The following DST variants were observed in gnomAD, a reference collection of about 807,000 sequenced individuals.
DST encodes dystonin, also known as bullous pemphigoid antigen.
Under a neutral mutation model 875.2 loss-of-function variants are expected in DST, and 253 were observed. That is an observed-to-expected ratio of 0.29 (90% CI 0.26 to 0.32). The LOEUF (loss-of-function observed/expected upper bound fraction) is 0.32, where lower values mean the gene tolerates loss of function less well. Among genes scored for constraint, DST ranks in the 10% least tolerant of loss-of-function variants. DST has a pLI of 1.00. For synonymous variants in DST, 3,124 were observed against 3,197.1 expected, an observed-to-expected ratio of 0.98 and a Z score of 0.77; for missense variants, 8,287 against 9,111.6, an observed-to-expected ratio of 0.91 and a Z score of 3.68.
intron 49 of DST, among the ~76,000 whole-genome samples, chr6:56,586,667 G>A (rs2098158825): frequency 6.6e-6 from 1 of 152,076 alleles, no homozygotes; most frequent in Admixed American, 6.6e-5. Flanking sequence ...CCCCCAGTAG[G>A]GGCAGACTGA....
intron 67 of DST, 129 bp from the exon 68 acceptor site, chr6:56,527,863 T>A: frequency 1.0e-6 from 1 of 964,332 alleles, no homozygotes; most frequent in Non-Finnish European, 1.4e-6. Flanking sequence ...AAGATAATCT[T>A]ACTCAAGAGA....
In DST at chr6:56,642,153, A is replaced by G. The variant is rs766011333; in HGVS notation, c.1873-52T>C. 6 of 1,427,638 alleles carry G rather than the reference A, an allele frequency of 4.2e-6. No individual in the cohort carries two copies. The Admixed American group carries it at 8.5e-5, about 20-fold the overall frequency. 88.4% of individuals were successfully genotyped at this position (1,427,638 alleles called of 1,614,324 possible). ...ATTCTGTGAAACAAGTTTCAAAACAACCTGAAATATAAAACATCAAATATT... is the reference window on the plus strand; with the variant it reads ...ATTCTGTGAAACAAGTTTCAAAACAGCCTGAAATATAAAACATCAAATATT... On this transcript the variant is annotated intron_variant, in intron 16 of 103. Coordinates refer to ENST00000680361, the MANE Select transcript of DST (RefSeq NM_001374736.1).
intron 92 of DST, among the ~76,000 whole-genome samples, chr6:56,475,394 AACACACACACACACAC>A (rs35690052): frequency 2.3e-4 from 34 of 144,882 alleles, no homozygotes; most frequent in Non-Finnish European, 4.1e-4. Context: ...AGGCTTTTAA[AACACACACACACACAC>A]ACACACACAC....
chr6:56,911,840 C>G (rs1268774984), intron 2 of DST, among the ~76,000 whole-genome samples: 1 of 152,176 alleles, frequency 6.6e-6, no homozygotes, highest in Non-Finnish European at 1.5e-5. Context: ...AAGCAGGGAT[C>G]ATAGTGTACA....
intron 3 of DST, among the ~76,000 whole-genome samples, chr6:56,873,799 A>G (rs901408341): frequency 6.6e-6 from 1 of 152,226 alleles, no homozygotes; most frequent in Non-Finnish European, 1.5e-5. Context: ...TTTGACAGCA[A>G]TATAGGATAG....
At chr6:56,875,515 A>T (rs965229843) in intron 3 of DST, among the ~76,000 whole-genome samples, 53 of 152,354 alleles carry the variant, frequency 3.5e-4, no homozygotes, top group African/African-American at 1.2e-3. Context: ...AATAATGACT[A>T]GTCATTTAAT....
intron 4 of DST, among the ~76,000 whole-genome samples, chr6:56,783,276 C>G (rs1389635137): frequency 6.6e-6 from 1 of 152,088 alleles, no homozygotes; most frequent in Non-Finnish European, 1.5e-5. Flanking sequence ...TCCTGGGTAT[C>G]CTTGTTAACT....
At chr6:56,782,919 T>C (rs1186584301) in intron 4 of DST, among the ~76,000 whole-genome samples, 4 of 152,362 alleles carry the variant, frequency 2.6e-5, no homozygotes, top group Middle Eastern at 6.8e-3. Flanking sequence ...TTCTGGTATG[T>C]TGTGACTTTG....
intron 2 of DST, among the ~76,000 whole-genome samples, chr6:56,906,087 A>G (rs918619574): frequency 6.6e-6 from 1 of 152,242 alleles, no homozygotes; most frequent in Non-Finnish European, 1.5e-5. Context: ...CCCTTTGTAC[A>G]TATAGCCAGA....
intron 4 of DST, among the ~76,000 whole-genome samples, chr6:56,830,316 C>T (rs939722408): frequency 2.0e-5 from 3 of 151,984 alleles, no homozygotes; most frequent in Non-Finnish European, 2.9e-5. Context: ...GAACTGTACA[C>T]GCAGTAGTCC....
intron 23 of DST, among the ~76,000 whole-genome samples, chr6:56,636,185 T>C (rs1298395142): frequency 6.6e-6 from 1 of 151,504 alleles, no homozygotes; most frequent in East Asian, 1.9e-4. Context: ...CTTCAATCTA[T>C]CTCATAGGAC....
intron 3 of DST, among the ~76,000 whole-genome samples, chr6:56,872,118 T>G (rs1777486377): frequency 6.6e-6 from 1 of 152,114 alleles, no homozygotes; most frequent in Non-Finnish European, 1.5e-5. Flanking sequence ...AAGAGGCATG[T>G]ACAAGAAAAT....
chr6:56,684,787 C>T (rs997707448), intron 9 of DST, among the ~76,000 whole-genome samples: 2 of 152,204 alleles, frequency 1.3e-5, no homozygotes, highest in Admixed American at 1.3e-4. Context: ...AAGGGAATCC[C>T]TTGGCTTTGC....
At chr6:56,909,729 C>A (rs1277331298) in intron 2 of DST, among the ~76,000 whole-genome samples, 5 of 152,176 alleles carry the variant, frequency 3.3e-5, no homozygotes. Flanking sequence ...TAAGAATCTG[C>A]ATTCCTAACA....
At chr6:56,535,994 T>A (rs73749960) in intron 62 of DST, among the ~76,000 whole-genome samples, 6 of 152,220 alleles carry the variant, frequency 3.9e-5, no homozygotes, top group African/African-American at 7.2e-5. Context: ...CACATATGTA[T>A]CAGACTTTAA....
chr6:56,529,871 A>T lies in DST; in HGVS notation c.17269-97T>A, dbSNP rs3800026. On this transcript the variant is annotated intron_variant, in intron 65 of 103. Transcript: ENST00000680361. Reference sequence around the variant, plus strand: ...AACTAAAGCATGACATGTTAAATGGATTTAGTTTGCAATTAAACAAAACAA... The same window carrying T: ...AACTAAAGCATGACATGTTAAATGGTTTTAGTTTGCAATTAAACAAAACAA... 71,785 of 1,474,436 alleles carry T rather than the reference A, an allele frequency of 0.049. 2,122 individuals are homozygous for T. Among genetic ancestry groups the T allele is most frequent in the East Asian group, 0.12 (4,943 of 42,142 alleles). 91.3% of individuals were successfully genotyped at this position (1,474,436 alleles called of 1,614,324 possible).
intron 27 of DST, among the ~76,000 whole-genome samples, chr6:56,633,820 C>T (rs972550345): frequency 1.3e-5 from 2 of 152,092 alleles, no homozygotes; most frequent in South Asian, 2.1e-4. Flanking sequence ...TAGGTTTTAA[C>T]GACAAAGAAA....
intron 78 of DST, among the ~76,000 whole-genome samples, chr6:56,502,877 CA>C (rs1433718601): frequency 6.6e-6 from 1 of 151,984 alleles, no homozygotes; most frequent in African/African-American, 2.4e-5. Flanking sequence ...AAGTTCATTG[CA>C]AACAGTGTGA....
intron 7 of DST, among the ~76,000 whole-genome samples, chr6:56,702,400 C>CAT (rs2099312980): frequency 6.6e-6 from 1 of 151,730 alleles, no homozygotes; most frequent in Admixed American, 6.6e-5. Flanking sequence ...CACACACACA[C>CAT]ACATATATAT....
Sources: gnomAD v4.1 joint callset for allele counts (sites outside exome capture counted in the v4.1 genomes callset) on GRCh38, gnomAD v4.1.1 for gene constraint, MANE v1.5 for transcripts, NCBI Gene and HGNC (gene_info 2026-07-23, HGNC 2026-07-21) for gene names.